The following SHISA9 variants were observed in gnomAD, a reference collection of about 807,000 sequenced individuals.
The protein encoded by SHISA9 is protein shisa-9.
In SHISA9, 13 loss-of-function variants were observed where a neutral mutation model predicts 38.0. The ratio of observed to expected loss-of-function variants is 0.34; its 90% CI spans 0.22 to 0.54. SHISA9 has a LOEUF of 0.54. Ranked by LOEUF, SHISA9 falls within the 20% of genes least tolerant of loss-of-function variation. SHISA9 has a pLI of 0.91. For synonymous variants in SHISA9, 275 were observed against 242.0 expected, an observed-to-expected ratio of 1.14 and a Z score of -1.27; for missense variants, 538 against 575.8, an observed-to-expected ratio of 0.93 and a Z score of 0.67.
At chr16:13,495,327 G>A in the SHISA9 span, among the ~76,000 whole-genome samples, 1 of 152,008 alleles carries the variant, frequency 6.6e-6, no homozygotes, top group Non-Finnish European at 1.5e-5. Context: ...TACACAGGAT[G>A]GTACCTGAGG....
At chr16:13,247,819 C>T in the SHISA9 span, among the ~76,000 whole-genome samples, 4 of 152,152 alleles carry the variant, frequency 2.6e-5, no homozygotes, top group African/African-American at 9.7e-5. Context: ...CTTATGATGC[C>T]TCTTTTTAAA....
chr16:13,426,168 G>A, the SHISA9 span, among the ~76,000 whole-genome samples: 3 of 152,194 alleles, frequency 2.0e-5, no homozygotes, highest in African/African-American at 4.8e-5. Flanking sequence ...GCAACTTGCT[G>A]TAATCATAAT....
intron 2 of SHISA9, among the ~76,000 whole-genome samples, chr16:13,139,359 CCCCT>C (rs1327915901): frequency 1.3e-4 from 13 of 97,402 alleles, no homozygotes; most frequent in East Asian, 3.8e-4. Flanking sequence ...TTCCCTCCCT[CCCCT>C]CCCTCCCTCC....
the SHISA9 span, among the ~76,000 whole-genome samples, chr16:13,312,781 A>AT: frequency 1.7e-4 from 26 of 152,170 alleles, no homozygotes; most frequent in African/African-American, 5.3e-4. Flanking sequence ...AATAATGTAA[A>AT]TTTTTTTTAC....
At chr16:13,345,545 G>A in the SHISA9 span, among the ~76,000 whole-genome samples, 1 of 152,082 alleles carries the variant, frequency 6.6e-6, no homozygotes, top group African/African-American at 2.4e-5. Context: ...CTTTGCTATT[G>A]TGAATAGTGC....
chr16:13,414,451 A>C, the SHISA9 span, among the ~76,000 whole-genome samples: 1 of 152,162 alleles, frequency 6.6e-6, no homozygotes, highest in Non-Finnish European at 1.5e-5. Flanking sequence ...AAATGCCCAC[A>C]CAGCATTCCT....
At chr16:13,174,237 C>A (rs181794206) in intron 2 of SHISA9, among the ~76,000 whole-genome samples, 1 of 152,178 alleles carries the variant, frequency 6.6e-6, no homozygotes, top group Non-Finnish European at 1.5e-5. Flanking sequence ...CCTTCTCATG[C>A]AACCATTTCC....
chr16:13,398,738 CT>C, the SHISA9 span, among the ~76,000 whole-genome samples: 35 of 152,150 alleles, frequency 2.3e-4, no homozygotes, highest in South Asian at 6.0e-3. Context: ...TCTTGAACTC[CT>C]GACCTCAGGT....
At chr16:13,185,489 C>A (rs1251815422) in intron 2 of SHISA9, among the ~76,000 whole-genome samples, 1 of 152,202 alleles carries the variant, frequency 6.6e-6, no homozygotes, top group African/African-American at 2.4e-5. Flanking sequence ...TAGTCATGGA[C>A]TGCCAAGCCT....
At chr16:13,020,936 TA>T (rs2072845176) in intron 2 of SHISA9, among the ~76,000 whole-genome samples, 1 of 152,220 alleles carries the variant, frequency 6.6e-6, no homozygotes, top group South Asian at 2.1e-4. Context: ...GACCACATAA[TA>T]TCTCCCCAGT....
intron 2 of SHISA9, among the ~76,000 whole-genome samples, chr16:13,072,607 A>G (rs1047481496): frequency 6.6e-6 from 1 of 152,106 alleles, no homozygotes; most frequent in African/African-American, 2.4e-5. Flanking sequence ...TTCAAGACCT[A>G]TGATCAAGTC....
At chr16:12,902,852 G>A in intron 1 of SHISA9, 1 of 530,992 alleles carries the variant, frequency 1.9e-6, no homozygotes, top group Non-Finnish European at 3.3e-6. Context: ...GTGTGAGCGT[G>A]TGTGTGTGTG....
the SHISA9 span, among the ~76,000 whole-genome samples, chr16:13,345,745 C>G: frequency 1.3e-5 from 2 of 152,156 alleles, no homozygotes; most frequent in Non-Finnish European, 2.9e-5. Flanking sequence ...TTTTTCTCCA[C>G]GACCTCACCA....
chr16:13,433,624 C>T, the SHISA9 span, among the ~76,000 whole-genome samples: 1 of 152,166 alleles, frequency 6.6e-6, no homozygotes, highest in Non-Finnish European at 1.5e-5. Context: ...CTCACCACCA[C>T]ATGTCACTGC....
the SHISA9 span, chr16:13,332,592 A>G: frequency 6.6e-6 from 1 of 152,230 alleles, no homozygotes; most frequent in Non-Finnish European, 1.5e-5. Flanking sequence ...CCAAACAAGG[A>G]CAAAGATCCT....
chr16:13,122,028 G>C (rs1480662679), intron 2 of SHISA9, among the ~76,000 whole-genome samples: 1 of 152,164 alleles, frequency 6.6e-6, no homozygotes, highest in Non-Finnish European at 1.5e-5. Context: ...CAGCACATTG[G>C]AAACTCTCAA....
intron 4 of SHISA9, among the ~76,000 whole-genome samples, chr16:13,231,616 C>T (rs1382222239): frequency 2.0e-5 from 3 of 152,152 alleles, no homozygotes; most frequent in Non-Finnish European, 4.4e-5. Context: ...CTTTATCAGT[C>T]GGAGCTATTT....
the SHISA9 span, among the ~76,000 whole-genome samples, chr16:13,481,917 A>G: frequency 6.6e-6 from 1 of 152,254 alleles, no homozygotes; most frequent in African/African-American, 2.4e-5. Context: ...GAACTCATAC[A>G]TACTTTGATT....
chr16:13,134,238 C>T (rs1193230995), intron 2 of SHISA9, among the ~76,000 whole-genome samples: 2 of 152,136 alleles, frequency 1.3e-5, no homozygotes, highest in African/African-American at 4.8e-5. Context: ...AAATAGGGAA[C>T]AGTAATAATA....
Sources: gnomAD v4.1 joint callset for allele counts (sites outside exome capture counted in the v4.1 genomes callset) on GRCh38, gnomAD v4.1.1 for gene constraint, MANE v1.5 for transcripts, NCBI Gene and HGNC (gene_info 2026-07-23, HGNC 2026-07-21) for gene names.